The following CA13 variants were observed in gnomAD, a reference collection of about 807,000 sequenced individuals.
The protein encoded by CA13 is carbonic anhydrase 13, also known as CA-XIII.
In CA13, 21 loss-of-function variants were observed where a neutral mutation model predicts 31.5. That is an observed-to-expected ratio of 0.67 (90% confidence interval 0.47 to 0.96). The LOEUF (loss-of-function observed/expected upper bound fraction) is 0.96. Ranked by LOEUF, CA13 falls within the 40% of genes least tolerant of loss-of-function variation. CA13 has a pLI of 0.00. For synonymous variants in CA13, 117 were observed against 111.4 expected, an observed-to-expected ratio of 1.05 and a Z score of -0.32; for missense variants, 315 against 318.9, an observed-to-expected ratio of 0.99 and a Z score of 0.09.
chr8:85,255,862 T>C (rs1807285550), intron 2 of CA13, among the ~76,000 whole-genome samples: 1 of 152,156 alleles, frequency 6.6e-6, no homozygotes, highest in Admixed American at 6.5e-5. Flanking sequence ...TCCCAGGGCA[T>C]TCTGGAATTT....
rs1049206488 is a variant in CA13 at position 85,245,701 on chromosome 8, G to C, written c.-128G>C. On this transcript the variant is annotated 5_prime_UTR_variant, in exon 1 of 7. Transcript: ENST00000321764. Reference sequence around the variant, plus strand: ...CGGGAGCGCCCCGGACCGGGTTCACGGTCTCGCACTCCTGCCGCCGGCGCC... The same window carrying C: ...CGGGAGCGCCCCGGACCGGGTTCACCGTCTCGCACTCCTGCCGCCGGCGCC... 3.3e-5 allele frequency: 35 copies of C among 1,059,936 alleles called. No individual in the cohort carries two copies. The highest frequency in any genetic ancestry group is 3.6e-5 in the Admixed American group (2 of 55,008). The allele number at this position is 1,059,936 out of a possible 1,614,324, so 65.7% of individuals were successfully genotyped here.
intron 4 of CA13, 144 bp from the exon 5 acceptor site, chr8:85,267,758 G>C (rs1157710826): frequency 3.9e-6 from 2 of 508,098 alleles, no homozygotes; most frequent in Admixed American, 3.8e-5. Context: ...AGGTAAAAGA[G>C]AAGCTTTGTT....
At chr8:85,266,252 G>T (rs193241056) in intron 3 of CA13, among the ~76,000 whole-genome samples, 4 of 152,112 alleles carry the variant, frequency 2.6e-5, no homozygotes, top group African/African-American at 4.8e-5. Context: ...GTGTGGTGGC[G>T]CAGTCTTAGC....
At chr8:85,278,050 CAGG>C (rs1807641470) in intron 6 of CA13, among the ~76,000 whole-genome samples, 1 of 151,544 alleles carries the variant, frequency 6.6e-6, no homozygotes, top group Non-Finnish European at 1.5e-5. Context: ...CACTTGAGGC[CAGG>C]AGTTCAAGAC....
intron 3 of CA13, among the ~76,000 whole-genome samples, chr8:85,262,207 T>G (rs151216220): frequency 2.8e-5 from 1 of 35,252 alleles, no homozygotes; most frequent in East Asian, 6.8e-4. Context: ...ATTCTTTCAC[T>G]CAGTAAGAAT....
At chr8:85,250,981 T>C in intron 2 of CA13, 44 bp downstream of exon 2, 2 of 1,434,180 alleles carry the variant, frequency 1.4e-6, no homozygotes, top group Non-Finnish European at 2.0e-6. Context: ...GATGAAGGGT[T>C]TGAATGATTA....
At chr8:85,265,271 A>T (rs1807440755) in intron 3 of CA13, among the ~76,000 whole-genome samples, 1 of 152,172 alleles carries the variant, frequency 6.6e-6, no homozygotes, top group African/African-American at 2.4e-5. Context: ...TGGCTTGATC[A>T]CCATTTATGA....
At chr8:85,265,885 T>C (rs577507948) in intron 3 of CA13, among the ~76,000 whole-genome samples, 151 of 152,352 alleles carry the variant, frequency 9.9e-4, no homozygotes, top group Middle Eastern at 3.4e-3. Flanking sequence ...ACTTTGTGTT[T>C]TCAAGCCATA....
chr8:85,277,414 G>A (rs1197737439), intron 6 of CA13, among the ~76,000 whole-genome samples: 1 of 152,074 alleles, frequency 6.6e-6, no homozygotes, highest in Non-Finnish European at 1.5e-5. Context: ...GAACCCACCA[G>A]AAGGAGGAAA....
intron 1 of CA13, among the ~76,000 whole-genome samples, chr8:85,247,415 G>A (rs1413438060): frequency 1.3e-5 from 2 of 152,142 alleles, no homozygotes; most frequent in African/African-American, 2.4e-5. Context: ...TTGTATTTCT[G>A]TTAGGAATTG....
At chr8:85,276,139 G>C (rs1807602262) in intron 6 of CA13, among the ~76,000 whole-genome samples, 1 of 152,186 alleles carries the variant, frequency 6.6e-6, no homozygotes, top group Admixed American at 6.5e-5. Flanking sequence ...CGTGGGCTCG[G>C]TGGGTCCCGC....
chr8:85,260,500 C>G (rs1807361143), intron 3 of CA13, among the ~76,000 whole-genome samples: 1 of 152,220 alleles, frequency 6.6e-6, no homozygotes, highest in Non-Finnish European at 1.5e-5. Flanking sequence ...ATCCGACAAT[C>G]AGAACTTTTT....
At chr8:85,258,333 A>T (rs1416536753) in intron 2 of CA13, among the ~76,000 whole-genome samples, 1 of 152,116 alleles carries the variant, frequency 6.6e-6, no homozygotes, top group Non-Finnish European at 1.5e-5. Flanking sequence ...ATTTATTGTC[A>T]TAGTTTTAGA....
Position 85,281,418 on chromosome 8 carries a change from G to T in CA13, c.*69G>T. The T allele has an allele frequency of 1.3e-6, 2 of 1,557,724 alleles. No homozygotes were observed. The highest frequency in any genetic ancestry group is 2.4e-5 in the South Asian group (2 of 84,080). On this transcript the variant is annotated 3_prime_UTR_variant, in exon 7 of 7. Transcript: ENST00000321764. ...CAACAAAACAAAACAAAGCACAAAA[G>T]TCTCTGCCAACAACTCTTTTGTGGA...
chr8:85,265,344 T>G (rs1181930041), intron 3 of CA13, among the ~76,000 whole-genome samples: 1 of 152,240 alleles, frequency 6.6e-6, no homozygotes, highest in Non-Finnish European at 1.5e-5. Flanking sequence ...TTTGTCCTTT[T>G]GGGGAAGACT....
intron 6 of CA13, among the ~76,000 whole-genome samples, chr8:85,279,852 T>G (rs1807671852): frequency 1.3e-5 from 2 of 152,208 alleles, no homozygotes; most frequent in Non-Finnish European, 2.9e-5. Context: ...TATTAGTCTC[T>G]GCTATTTGAC....
At chr8:85,274,779 T>C (rs1807578042) in intron 6 of CA13, among the ~76,000 whole-genome samples, 1 of 152,172 alleles carries the variant, frequency 6.6e-6, no homozygotes, top group Admixed American at 6.5e-5. Flanking sequence ...CCATGAACCA[T>C]CCTCAGCCCA....
At chr8:85,264,421 G>C (rs1296231433) in intron 3 of CA13, among the ~76,000 whole-genome samples, 3 of 152,072 alleles carry the variant, frequency 2.0e-5, no homozygotes, top group Non-Finnish European at 4.4e-5. Flanking sequence ...GTCATTGTTA[G>C]TCAGGAAATG....
In CA13 at chr8:85,268,621, T is replaced by A; in HGVS notation, c.663T>A (p.Ser221=). The part of the protein sequence containing the change: ...IVLKQPINIS[S]QQLAKFRSLL... ...TAAAGCAACCTATAAACATCAGCTC[T>A]CAACAGGTACATAATCTCTTCCAGG... The change falls in exon 6 of 7, where the codon TCT becomes TCA. Residue 221 remains serine, a synonymous_variant. Coordinates refer to ENST00000321764, the MANE Select transcript of CA13 (RefSeq NM_198584.3). 6.2e-7 allele frequency: 1 copy of A among 1,613,176 alleles called. No homozygotes were observed. Among genetic ancestry groups the A allele is most frequent in the South Asian group, 1.1e-5 (1 of 91,004 alleles).
Sources: allele counts gnomAD v4.1 joint callset (sites outside exome capture counted in the v4.1 genomes callset), GRCh38; gene constraint gnomAD v4.1.1; transcripts MANE v1.5; gene names NCBI Gene and HGNC (gene_info 2026-07-23, HGNC 2026-07-21).